The following WWOX variants were observed in gnomAD, a reference collection of about 807,000 sequenced individuals.
The protein encoded by WWOX is WW domain containing oxidoreductase, also known as WW domain-containing oxidoreductase.
In WWOX, 69 loss-of-function variants were observed where a neutral mutation model predicts 46.2. That is an observed-to-expected ratio of 1.49 (90% CI 1.23 to 1.82). The LOEUF (loss-of-function observed/expected upper bound fraction) is 1.82, where lower values mean the gene tolerates loss of function less well. WWOX is among the 40% of genes most tolerant of loss of function. WWOX has a pLI of 0.00. For synonymous variants in WWOX, 359 were observed against 202.6 expected, an observed-to-expected ratio of 1.77 and a Z score of -6.56; for missense variants, 919 against 542.6, an observed-to-expected ratio of 1.69 and a Z score of -6.89.
intron 4 of WWOX, among the ~76,000 whole-genome samples, chr16:78,115,609 C>G (rs140807737): frequency 1.3e-5 from 2 of 152,184 alleles, no homozygotes; most frequent in African/African-American, 2.4e-5. Flanking sequence ...GGCACAGGAT[C>G]TTATTTCTCT....
chr16:78,535,751 C>T (rs997884472), intron 8 of WWOX: 10 of 152,222 alleles, frequency 6.6e-5, no homozygotes, highest in Admixed American at 5.2e-4. Flanking sequence ...TCCTAGAACA[C>T]TGTTCCCGTT....
chr16:78,491,304 C>T (rs1383607764), intron 8 of WWOX, among the ~76,000 whole-genome samples: 7 of 152,162 alleles, frequency 4.6e-5, no homozygotes, highest in African/African-American at 7.2e-5. Flanking sequence ...CATCTTTTCC[C>T]CTGGATGAGA....
intron 8 of WWOX, among the ~76,000 whole-genome samples, chr16:78,954,603 C>G (rs1434959800): frequency 6.6e-6 from 1 of 152,072 alleles, no homozygotes. Flanking sequence ...TGGAAACAGA[C>G]ACATAAATAA....
chr16:78,326,194 T>G (rs1437339257), intron 5 of WWOX, among the ~76,000 whole-genome samples: 2 of 152,182 alleles, frequency 1.3e-5, no homozygotes, highest in Non-Finnish European at 1.5e-5. Flanking sequence ...ATCACACAGC[T>G]AGATCACAGT....
intron 8 of WWOX, among the ~76,000 whole-genome samples, chr16:78,644,406 C>T (rs1310780101): frequency 6.6e-6 from 1 of 152,070 alleles, no homozygotes; most frequent in African/African-American, 2.4e-5. Context: ...GAGAGCAAGT[C>T]ATGTGGGATA....
At chr16:78,310,225 TA>T (rs1423487298) in intron 5 of WWOX, among the ~76,000 whole-genome samples, 9 of 152,214 alleles carry the variant, frequency 5.9e-5, no homozygotes, top group Non-Finnish European at 8.8e-5. Context: ...CGAATTTTCT[TA>T]TGCTACACAC....
At chr16:78,518,401 A>G (rs1375179000) in intron 8 of WWOX, among the ~76,000 whole-genome samples, 2 of 151,904 alleles carry the variant, frequency 1.3e-5, no homozygotes, top group African/African-American at 4.8e-5. Context: ...TGTATTTTAT[A>G]TTAGAGATGG....
At chr16:78,345,139 A>G (rs2081072480) in intron 5 of WWOX, among the ~76,000 whole-genome samples, 1 of 118,410 alleles carries the variant, frequency 8.4e-6, no homozygotes, top group African/African-American at 2.9e-5. Flanking sequence ...ATGACTGTCA[A>G]GTCGATCAGG....
intron 8 of WWOX, among the ~76,000 whole-genome samples, chr16:79,055,152 A>G (rs904426677): frequency 6.6e-6 from 1 of 152,260 alleles, no homozygotes; most frequent in Non-Finnish European, 1.5e-5. Context: ...ATTCCTCCTC[A>G]GATATGCACC....
At chr16:79,031,804 CTATA>C (rs910739230) in intron 8 of WWOX, among the ~76,000 whole-genome samples, 5 of 136,880 alleles carry the variant, frequency 3.7e-5, no homozygotes, top group African/African-American at 2.6e-5. Context: ...ATATAGATAT[CTATA>C]TAATATATAT....
At chr16:78,505,481 A>T (rs1258038582) in intron 8 of WWOX, among the ~76,000 whole-genome samples, 1 of 152,086 alleles carries the variant, frequency 6.6e-6, no homozygotes, top group African/African-American at 2.4e-5. Flanking sequence ...AACGCTTCGT[A>T]CCTAGATTTG....
intron 8 of WWOX, among the ~76,000 whole-genome samples, chr16:78,850,491 T>G (rs1014759751): frequency 2.0e-5 from 3 of 152,190 alleles, no homozygotes; most frequent in Admixed American, 6.5e-5. Flanking sequence ...AACTGGGAAT[T>G]TATACCGTTT....
chr16:78,864,207 T>C (rs932786495), intron 8 of WWOX, among the ~76,000 whole-genome samples: 10 of 152,210 alleles, frequency 6.6e-5, no homozygotes, highest in Admixed American at 3.9e-4. Context: ...GGAATTATTT[T>C]ATAAATTTTT....
intron 8 of WWOX, among the ~76,000 whole-genome samples, chr16:79,117,393 A>G (rs2049538081): frequency 6.6e-6 from 1 of 152,196 alleles, no homozygotes; most frequent in Non-Finnish European, 1.5e-5. Context: ...AAATCATGCC[A>G]TAAATAGACG....
At chr16:78,633,205 T>C (rs1348900609) in intron 8 of WWOX, among the ~76,000 whole-genome samples, 1 of 152,032 alleles carries the variant, frequency 6.6e-6, no homozygotes, top group African/African-American at 2.4e-5. Context: ...GAGGTTGCAG[T>C]GAGCTGAGAT....
chr16:78,969,786 C>G (rs1024567251), intron 8 of WWOX, among the ~76,000 whole-genome samples: 1 of 152,106 alleles, frequency 6.6e-6, no homozygotes, highest in African/African-American at 2.4e-5. Context: ...ACATGAAATA[C>G]CCCAAAGAGG....
intron 5 of WWOX, among the ~76,000 whole-genome samples, chr16:78,183,851 G>A (rs1323181962): frequency 1.3e-5 from 2 of 152,266 alleles, no homozygotes; most frequent in South Asian, 2.1e-4. Context: ...AAGCATCCTG[G>A]CTGCAGTGTT....
chr16:79,141,075 T>G (rs866810845), intron 8 of WWOX, among the ~76,000 whole-genome samples: 12 of 152,222 alleles, frequency 7.9e-5, no homozygotes, highest in Non-Finnish European at 8.8e-5. Context: ...AGCTGGGAAC[T>G]GCTTAGGGCC....
rs182024245 is a variant in WWOX, at chr16:78,742,357, C to T, written c.1056+309605C>T. On this transcript the variant is annotated intron_variant, in intron 8 of 8. Transcript: ENST00000566780. ...GGTGAAGGGCAGCAGCAGGACAGAGCCCCACTTCTAGCTCTGGCTCAGGTT... is the reference window on the plus strand; with the variant it reads ...GGTGAAGGGCAGCAGCAGGACAGAGTCCCACTTCTAGCTCTGGCTCAGGTT... Among the ~76,000 whole-genome samples, 1,372 of 152,288 alleles carry T rather than the reference C, an allele frequency of 9.0e-3. 20 individuals carry two copies. The highest frequency in any genetic ancestry group is 0.031 in the African/African-American group (1,285 of 41,542).
Sources: gnomAD v4.1 joint callset for allele counts (sites outside exome capture counted in the v4.1 genomes callset) on GRCh38, gnomAD v4.1.1 for gene constraint, MANE v1.5 for transcripts, NCBI Gene and HGNC (gene_info 2026-07-23, HGNC 2026-07-21) for gene names.